The following GNAI1 variants were observed in gnomAD, a reference collection of about 807,000 sequenced individuals.
GNAI1 encodes G protein subunit alpha i1, also known as guanine nucleotide-binding protein G(i) subunit alpha-1.
In GNAI1, 11 loss-of-function variants were observed where a neutral mutation model predicts 38.9. The observed-to-expected ratio is 0.28, with a 90% CI of 0.18 to 0.47. The LOEUF is 0.47. Among genes scored for constraint, GNAI1 ranks in the 20% least tolerant of loss-of-function variants. The probability of loss-of-function intolerance (pLI) is 0.99; values close to 1 mark genes in which losing one functional copy is unlikely to be tolerated. For missense variants in GNAI1, 317 were observed against 436.9 expected, an observed-to-expected ratio of 0.73 and a Z score of 2.45; for synonymous variants, 166 against 145.1, an observed-to-expected ratio of 1.14 and a Z score of -1.04.
chr7:80,144,129 T>C (rs533556718), intron 1 of GNAI1, among the ~76,000 whole-genome samples: 24 of 152,254 alleles, frequency 1.6e-4, no homozygotes, highest in African/African-American at 5.8e-4. Context: ...CTATAGAGAA[T>C]GCACTTTACA....
chr7:80,188,169 G>A lies in GNAI1; in HGVS notation c.119-782G>A, dbSNP rs536673487. Among the ~76,000 whole-genome samples, 7 of 152,238 alleles carry A rather than the reference G, an allele frequency of 4.6e-5. No individual in the cohort carries two copies. In the South Asian group the frequency reaches 1.2e-3, roughly 27 times the overall value. ...TATTAGGTTTTTAATAATGGTGATC[G>A]AACACATATTCCATGAGACATAGCT... On this transcript the variant is annotated intron_variant, in intron 1 of 7. Coordinates refer to ENST00000649796, the MANE Select transcript of GNAI1 (RefSeq NM_002069.6).
intron 7 of GNAI1, among the ~76,000 whole-genome samples, chr7:80,215,573 A>G (rs1340262794): frequency 6.6e-6 from 1 of 152,130 alleles, no homozygotes; most frequent in East Asian, 1.9e-4. Context: ...CAACATTCCT[A>G]TGGGCATTTG....
chr7:80,156,947 C>T (rs1465204482), intron 1 of GNAI1, among the ~76,000 whole-genome samples: 1 of 152,114 alleles, frequency 6.6e-6, no homozygotes, highest in Non-Finnish European at 1.5e-5. Context: ...ATGGATGAAC[C>T]TACAGTGACA....
At chr7:80,215,331 T>C (rs1788941157) in intron 7 of GNAI1, among the ~76,000 whole-genome samples, 1 of 152,224 alleles carries the variant, frequency 6.6e-6, no homozygotes, top group Non-Finnish European at 1.5e-5. Flanking sequence ...GCTGTTTGGC[T>C]GAAGCATAGT....
At chr7:80,163,488 T>A (rs561946919) in intron 1 of GNAI1, among the ~76,000 whole-genome samples, 3 of 152,332 alleles carry the variant, frequency 2.0e-5, no homozygotes, top group Admixed American at 6.5e-5. Context: ...TATATTCAAC[T>A]GAAATTCACT....
intron 4 of GNAI1, 110 bp from the exon 5 acceptor site, chr7:80,203,594 T>C (rs1283969874): frequency 4.5e-6 from 3 of 660,522 alleles, no homozygotes; most frequent in Admixed American, 3.4e-5. Flanking sequence ...TAAAAACTTT[T>C]AGTGATTTCA....
chr7:80,179,627 T>C (rs1457602767), intron 1 of GNAI1, among the ~76,000 whole-genome samples: 2 of 152,172 alleles, frequency 1.3e-5, no homozygotes, highest in African/African-American at 4.8e-5. Context: ...TCTGAGACTT[T>C]CCCCTACGTA....
chr7:80,165,768 A>G (rs1247225546), intron 1 of GNAI1, among the ~76,000 whole-genome samples: 2 of 152,176 alleles, frequency 1.3e-5, no homozygotes, highest in Non-Finnish European at 2.9e-5. Flanking sequence ...AACAAATGCT[A>G]TTTGAGAATA....
chr7:80,140,628 G>C (rs898626007), intron 1 of GNAI1, among the ~76,000 whole-genome samples: 6 of 152,288 alleles, frequency 3.9e-5, no homozygotes, highest in African/African-American at 1.4e-4. Context: ...CTCCATTTGA[G>C]TCTTACGAAC....
At chr7:80,151,154 C>G (rs1029659221) in intron 1 of GNAI1, among the ~76,000 whole-genome samples, 1 of 152,208 alleles carries the variant, frequency 6.6e-6, no homozygotes, top group African/African-American at 2.4e-5. Context: ...GATATCCTTG[C>G]TTATGTTCCT....
At position 80,220,699 on chromosome 7, in the gene GNAI1, C is replaced by T. The variant is rs1052647917; in HGVS notation, c.*3206C>T. ...AAGTACTGATTAAAATCCATATGTT[C>T]TCATTGAATACTGACAGTAACTAGA... On this transcript the variant is annotated 3_prime_UTR_variant, in exon 8 of 8. Coordinates refer to ENST00000649796, the MANE Select transcript of GNAI1 (RefSeq NM_002069.6). 7.9e-5 allele frequency among the ~76,000 whole-genome samples: 12 copies of T among 152,142 alleles called. No homozygotes were observed. Among genetic ancestry groups the T allele is most frequent in the African/African-American group, 2.9e-4 (12 of 41,418 alleles).
chr7:80,180,362 A>G (rs1788271677), intron 1 of GNAI1, among the ~76,000 whole-genome samples: 1 of 151,734 alleles, frequency 6.6e-6, no homozygotes, highest in South Asian at 2.1e-4. Flanking sequence ...TATAAAGTGT[A>G]AATGTGAAGT....
At chr7:80,183,870 A>G (rs1788342837) in intron 1 of GNAI1, among the ~76,000 whole-genome samples, 1 of 151,886 alleles carries the variant, frequency 6.6e-6, no homozygotes, top group African/African-American at 2.4e-5. Context: ...CCTTCCTCCC[A>G]CCGTCTTGAC....
intron 1 of GNAI1, chr7:80,135,883 C>A: frequency 1.0e-6 from 1 of 985,338 alleles, no homozygotes. Context: ...GAAAAGGCTG[C>A]GCTGGATGCT....
chr7:80,210,820 G>T, intron 5 of GNAI1, 149 bp from the exon 6 acceptor site: 1 of 466,306 alleles, frequency 2.1e-6, no homozygotes, highest in Non-Finnish European at 3.5e-6. Flanking sequence ...TCCAGTTTGT[G>T]ACATTTTTTT....
At chr7:80,180,306 CAG>C (rs1455384266) in intron 1 of GNAI1, among the ~76,000 whole-genome samples, 2 of 139,634 alleles carry the variant, frequency 1.4e-5, no homozygotes, top group Non-Finnish European at 3.1e-5. Context: ...AACTATAAAA[CAG>C]AACATTCTTA....
rs1427923533 is a variant in GNAI1 at position 80,162,651 on chromosome 7, CG to C, written c.119-26299del. On this transcript the variant is annotated intron_variant, in intron 1 of 7. Coordinates refer to ENST00000649796, the MANE Select transcript of GNAI1 (RefSeq NM_002069.6). ...TACCAGTGGAAAATCTCTCCACCTA[CG>C]AAGAAACCCTCCTTGGGTTGAAGGC... 5.4e-4 allele frequency among the ~76,000 whole-genome samples: 83 copies of C among 152,316 alleles called. 2 individuals carry two copies. Among genetic ancestry groups the C allele is most frequent in the Admixed American group, 5.4e-3 (82 of 15,304 alleles).
chr7:80,158,875 C>T (rs746087394), intron 1 of GNAI1, among the ~76,000 whole-genome samples: 2 of 152,152 alleles, frequency 1.3e-5, no homozygotes, highest in African/African-American at 4.8e-5. Flanking sequence ...AATCTTTGAC[C>T]TATGGCTCCT....
At chr7:80,201,933 C>G (rs1191352438) in intron 4 of GNAI1, among the ~76,000 whole-genome samples, 1 of 152,098 alleles carries the variant, frequency 6.6e-6, no homozygotes, top group Non-Finnish European at 1.5e-5. Context: ...AGTCAAGTTG[C>G]CCATTAGGAC....
Sources: gnomAD v4.1 joint callset for allele counts (sites outside exome capture counted in the v4.1 genomes callset) on GRCh38, gnomAD v4.1.1 for gene constraint, MANE v1.5 for transcripts, NCBI Gene and HGNC (gene_info 2026-07-23, HGNC 2026-07-21) for gene names.